OGFRL1: variants seen among roughly 807,000 people sequenced by gnomAD.
OGFRL1 encodes opioid growth factor receptor-like protein 1.
A neutral mutation model predicts 32.4 loss-of-function variants in OGFRL1; 26 were observed. That is an observed-to-expected ratio of 0.80 (90% confidence interval 0.59 to 1.11). The LOEUF is 1.11. Among genes scored for constraint, OGFRL1 ranks in the 50% most tolerant of loss-of-function variants. The probability of loss-of-function intolerance (pLI) is 0.00; values close to 1 mark genes in which losing one functional copy is unlikely to be tolerated. For missense variants in OGFRL1, 521 were observed against 546.4 expected (o/e 0.95, Z 0.46); for synonymous variants, 211 against 201.2 (o/e 1.05, Z -0.41).
rs1336471595 is a variant in OGFRL1 at position 71,305,050 on chromosome 6, G to A, written c.*3001G>A. On this transcript the variant is annotated 3_prime_UTR_variant, in exon 7 of 7. Transcript: ENST00000370435. ...TAATTTTAAAAACTACGATATGCTTGCAGAAATTCATTGAGAAGCTGTTAT... is the reference window on the plus strand; with the variant it reads ...TAATTTTAAAAACTACGATATGCTTACAGAAATTCATTGAGAAGCTGTTAT... 2 of 151,986 alleles carry A rather than the reference G, an allele frequency of 1.3e-5. No individual in the cohort carries two copies. Among genetic ancestry groups the A allele is most frequent in the Non-Finnish European group, 2.9e-5 (2 of 67,892 alleles). 9.4% of individuals were successfully genotyped at this position (151,986 alleles called of 1,614,324 possible). A position where few individuals can be genotyped will look rare whatever the true frequency, so the allele number is the denominator to read the frequency against.
intron 3 of OGFRL1, among the ~76,000 whole-genome samples, chr6:71,294,999 A>G (rs550618674): frequency 6.6e-6 from 1 of 152,278 alleles, no homozygotes; most frequent in Admixed American, 6.5e-5. Flanking sequence ...ATTTTTGGTA[A>G]TCTTTACTAC....
chr6:71,289,238 A>G, intron 1 of OGFRL1, 68 bp downstream of exon 1: 1 of 1,028,862 alleles, frequency 9.7e-7, no homozygotes, highest in Admixed American at 5.7e-5. Context: ...GCAAGTGCCA[A>G]GCCGCCCTCG....
In OGFRL1 at chr6:71,300,636, T is replaced by C. The variant is rs142158257; in HGVS notation, c.693-750T>C. On this transcript the variant is annotated intron_variant, in intron 6 of 6. Coordinates refer to ENST00000370435, the MANE Select transcript of OGFRL1 (RefSeq NM_024576.5). ...AGTATCTAGTACTTATCGAGTTCTA[T>C]ATACCCAGCATGTGTATCATCTCAT... Among the ~76,000 whole-genome samples, 647 of 152,300 alleles carry C rather than the reference T, an allele frequency of 4.2e-3. 5 individuals carry two copies. Among genetic ancestry groups the C allele is most frequent in the African/African-American group, 0.014 (591 of 41,568 alleles).
At position 71,293,578 on chromosome 6, in the gene OGFRL1, T is replaced by C; in HGVS notation, c.367T>C (p.Phe123Leu). ...RYQNDLSNLR[F>L]YKNKIPFKPD... ...TCAAAATGACTTGAGCAATCTTCGT[T>C]TTTATAAGAATAAAATTCCATTCAA... Residue 123 changes from phenylalanine to leucine, a missense_variant, in exon 3 of 7, where the codon TTT (phenylalanine) becomes CTT (leucine). Physicochemically the swap from Phe to Leu is conservative, Grantham distance 22. Coordinates refer to ENST00000370435, the MANE Select transcript of OGFRL1 (RefSeq NM_024576.5). 1 of 1,612,930 alleles carries C rather than the reference T, an allele frequency of 6.2e-7. No individual in the cohort carries two copies. The highest frequency in any genetic ancestry group is 8.5e-7 in the Non-Finnish European group (1 of 1,179,216).
chr6:71,296,081 G>C (rs1766198666), intron 3 of OGFRL1, among the ~76,000 whole-genome samples: 2 of 152,118 alleles, frequency 1.3e-5, no homozygotes, highest in Admixed American at 6.5e-5. Context: ...CTCTGCTTTA[G>C]AGTACATTGT....
chr6:71,295,194 TTATC>T (rs1766167630), intron 3 of OGFRL1: 1 of 152,126 alleles, frequency 6.6e-6, no homozygotes, highest in South Asian at 2.1e-4. Context: ...TGGTATTTAT[TTATC>T]AGGCAGGAGG....
intron 4 of OGFRL1, 27 bp downstream of exon 4, chr6:71,296,422 C>T: frequency 6.2e-7 from 1 of 1,600,452 alleles, no homozygotes; most frequent in South Asian, 1.1e-5. Context: ...CTATCTTGAA[C>T]CATGTCCTAT....
intron 6 of OGFRL1, among the ~76,000 whole-genome samples, chr6:71,300,447 C>T (rs2149356259): frequency 6.6e-6 from 1 of 152,058 alleles, no homozygotes; most frequent in East Asian, 1.9e-4. Flanking sequence ...GGAAAATGTA[C>T]CCTTGGAATC....
Position 71,293,281 on chromosome 6 carries a change from C to G in OGFRL1, c.235-12C>G. 1 of 1,608,570 alleles carries G rather than the reference C, an allele frequency of 6.2e-7. No homozygotes were observed. Among genetic ancestry groups the G allele is most frequent in the Non-Finnish European group, 8.5e-7 (1 of 1,176,528 alleles). ...CGTCAACATGTAAACGGAGTTTCACCTTTTATTTCAGGGTGGTGATTCCAC... is the reference window on the plus strand; with the variant it reads ...CGTCAACATGTAAACGGAGTTTCACGTTTTATTTCAGGGTGGTGATTCCAC... On this transcript the variant is annotated splice_polypyrimidine_tract_variant and intron_variant, in intron 1 of 6. Coordinates refer to ENST00000370435, the MANE Select transcript of OGFRL1 (RefSeq NM_024576.5).
At position 71,304,652 on chromosome 6, in the gene OGFRL1, C is replaced by T. The variant is rs997921175; in HGVS notation, c.*2603C>T. 1 of 151,996 alleles carries T rather than the reference C, an allele frequency of 6.6e-6. No homozygotes were observed. 9.4% of individuals were successfully genotyped at this position (151,996 alleles called of 1,614,324 possible). A position where few individuals can be genotyped will look rare whatever the true frequency, so the allele number is the denominator to read the frequency against. The stretch of plus-strand genomic sequence containing the variant: ...TGAGTAAAAACATTTCATTTAGCAA[C>T]TTAACTTTTAGAATATTCTTCCTAC... On this transcript the variant is annotated 3_prime_UTR_variant, in exon 7 of 7. Coordinates refer to ENST00000370435, the MANE Select transcript of OGFRL1 (RefSeq NM_024576.5).
At chr6:71,297,860 A>T (rs927771015) in intron 6 of OGFRL1, among the ~76,000 whole-genome samples, 2 of 151,762 alleles carry the variant, frequency 1.3e-5, no homozygotes, top group African/African-American at 4.8e-5. Flanking sequence ...CGTGCAGGTT[A>T]GTTACATATG....
At chr6:71,300,149 A>G (rs1766336842) in intron 6 of OGFRL1, among the ~76,000 whole-genome samples, 1 of 152,216 alleles carries the variant, frequency 6.6e-6, no homozygotes, top group Non-Finnish European at 1.5e-5. Flanking sequence ...AGAAAGTTCC[A>G]TGTCTGAGAT....
rs1456145024 is a variant in OGFRL1 at position 71,308,982 on chromosome 6, A to G, written c.*6933A>G. 6.6e-6 allele frequency: 1 copy of G among 152,138 alleles called. No homozygotes were observed. Among genetic ancestry groups the G allele is most frequent in the African/African-American group, 2.4e-5 (1 of 41,456 alleles). The allele number at this position is 152,138 out of a possible 1,614,324, so 9.4% of individuals were successfully genotyped here. On this transcript the variant is annotated 3_prime_UTR_variant, in exon 7 of 7. Transcript: ENST00000370435. ...GCTGTTTTCCTGTCATTAAGCATGT[A>G]TTTTTTATGATTAACACATAAGACT... is the stretch of plus-strand genomic sequence containing the variant.
Position 71,301,395 on chromosome 6 carries a change from C to T in OGFRL1, c.702C>T (p.His234=). 1 of 1,575,790 alleles carries T rather than the reference C, an allele frequency of 6.3e-7. No individual in the cohort carries two copies. Among genetic ancestry groups the T allele is most frequent in the Non-Finnish European group, 8.6e-7 (1 of 1,163,358 alleles). Residue 234 remains histidine (H), a synonymous_variant, in exon 7 of 7, where the codon CAC becomes CAT. Coordinates refer to ENST00000370435, the MANE Select transcript of OGFRL1 (RefSeq NM_024576.5). ...ERFQHLNESQ[H]NYLRITRILK... ...CAATCCTCTCTTCCAGGTCCCAGCA[C>T]AACTATTTAAGAATCACTCGTATTC...
At chr6:71,301,266 A>C in intron 6 of OGFRL1, 120 bp from the exon 7 acceptor site, 1 of 846,608 alleles carries the variant, frequency 1.2e-6, no homozygotes, top group East Asian at 2.4e-5. Context: ...TTAGGAAGTC[A>C]TTACACAGCA....
At chr6:71,300,060 C>T (rs1766335008) in intron 6 of OGFRL1, among the ~76,000 whole-genome samples, 1 of 152,178 alleles carries the variant, frequency 6.6e-6, no homozygotes, top group Non-Finnish European at 1.5e-5. Flanking sequence ...CTCCCTGCTT[C>T]CCAAGTAATT....
intron 6 of OGFRL1, among the ~76,000 whole-genome samples, chr6:71,297,850 C>T (rs556107755): frequency 1.7e-4 from 26 of 151,572 alleles, no homozygotes; most frequent in African/African-American, 5.3e-4. Context: ...ATGTGCACAA[C>T]GTGCAGGTTA....
chr6:71,292,959 C>A (rs1268273414), intron 1 of OGFRL1, among the ~76,000 whole-genome samples: 1 of 152,120 alleles, frequency 6.6e-6, no homozygotes, highest in African/African-American at 2.4e-5. Flanking sequence ...GCATAATCAT[C>A]TGGTAAATAA....
At chr6:71,293,408 CTG>C (rs760654305) in intron 2 of OGFRL1, 29 bp downstream of exon 2, 2 of 1,601,336 alleles carry the variant, frequency 1.2e-6, no homozygotes, top group South Asian at 2.2e-5. Context: ...ATGTTTTAAA[CTG>C]TAAACTATTT....
Sources: allele counts gnomAD v4.1 joint callset (sites outside exome capture counted in the v4.1 genomes callset), GRCh38; gene constraint gnomAD v4.1.1; transcripts MANE v1.5; gene names NCBI Gene and HGNC (gene_info 2026-07-23, HGNC 2026-07-21).